GMDS: variants seen among roughly 807,000 people sequenced by gnomAD.
GMDS encodes GDP-mannose 4,6-dehydratase.
In GMDS, 20 loss-of-function variants were observed where a neutral mutation model predicts 49.9. That is an observed-to-expected ratio of 0.40 (90% CI 0.28 to 0.58). The LOEUF (loss-of-function observed/expected upper bound fraction) is 0.58. Ranked by LOEUF, GMDS falls within the 20% of genes least tolerant of loss-of-function variation. The pLI is 0.42. For synonymous variants in GMDS, 177 were observed against 178.6 expected (o/e 0.99, Z 0.07); for missense variants, 362 against 481.4 (o/e 0.75, Z 2.32).
rs573940538 is a variant in GMDS, at chr6:2,117,440, A to G, written c.235+29T>C. The G allele has an allele frequency of 4.0e-6, 5 of 1,236,106 alleles. No individual in the cohort carries two copies. In the South Asian group the frequency reaches 6.0e-5, roughly 15 times the overall value. 76.6% of individuals were successfully genotyped at this position (1,236,106 alleles called of 1,614,324 possible). ...GAACATCTGAAAACACCTTATAGAA[A>G]GAGATTCTAGAAAAAGAAAATGACT... On this transcript the variant is annotated intron_variant, in intron 3 of 10. Transcript: ENST00000380815.
chr6:1,894,318 A>C (rs1184285368), intron 7 of GMDS, among the ~76,000 whole-genome samples: 1 of 152,140 alleles, frequency 6.6e-6, no homozygotes, highest in Non-Finnish European at 1.5e-5. Context: ...TACAAGCAAA[A>C]AGTCCTTTAT....
At chr6:1,865,655 G>T (rs1223102461) in intron 7 of GMDS, among the ~76,000 whole-genome samples, 2 of 152,182 alleles carry the variant, frequency 1.3e-5, no homozygotes, top group East Asian at 3.8e-4. Context: ...GAAAAAAGAT[G>T]TTAGAGAAGC....
In GMDS at chr6:1,988,987, T is replaced by C. The variant is rs1765750117; in HGVS notation, c.346-28021A>G. On this transcript the variant is annotated intron_variant, in intron 4 of 10. Coordinates refer to ENST00000380815, the MANE Select transcript of GMDS (RefSeq NM_001500.4). ...CTGGCCCTCTTGGATTACAGAGGAC[T>C]TCCAAGAGTCAGCAAGGACTCAGAG... 2.0e-5 allele frequency among the ~76,000 whole-genome samples: 3 copies of C among 152,280 alleles called. No homozygotes were observed. The South Asian group carries it at 6.2e-4, about 32-fold the overall frequency.
chr6:1,744,142 T>G (rs1363414133), intron 7 of GMDS, among the ~76,000 whole-genome samples: 1 of 152,206 alleles, frequency 6.6e-6, no homozygotes, highest in East Asian at 1.9e-4. Context: ...AAAAATAAAA[T>G]TTAAAATAAT....
intron 7 of GMDS, among the ~76,000 whole-genome samples, chr6:1,771,916 G>T (rs1358333670): frequency 6.6e-6 from 1 of 152,180 alleles, no homozygotes; most frequent in Non-Finnish European, 1.5e-5. Flanking sequence ...ATATCTAGGA[G>T]GCAATCAGTC....
intron 7 of GMDS, among the ~76,000 whole-genome samples, chr6:1,781,427 C>T (rs1769079953): frequency 6.6e-6 from 1 of 152,248 alleles, no homozygotes; most frequent in Admixed American, 6.5e-5. Flanking sequence ...TGGGCCCTGG[C>T]CTGGGCTTCT....
chr6:1,710,527 C>CT (rs1296798859), intron 9 of GMDS, among the ~76,000 whole-genome samples: 1 of 152,172 alleles, frequency 6.6e-6, no homozygotes, highest in Admixed American at 6.5e-5. Flanking sequence ...ACAATGCCCT[C>CT]TGGGGCTTCA....
intron 4 of GMDS, among the ~76,000 whole-genome samples, chr6:2,097,831 G>C (rs1773696006): frequency 6.6e-6 from 1 of 152,092 alleles, no homozygotes; most frequent in Admixed American, 6.5e-5. Flanking sequence ...GGTTAGGATA[G>C]TGACAAACAA....
intron 7 of GMDS, among the ~76,000 whole-genome samples, chr6:1,779,780 T>C (rs1387353063): frequency 6.6e-6 from 1 of 152,216 alleles, no homozygotes; most frequent in Admixed American, 6.5e-5. Context: ...CTTTAACTCA[T>C]TGAAGGCCAC....
intron 1 of GMDS, among the ~76,000 whole-genome samples, chr6:2,164,641 C>T (rs147466043): frequency 2.6e-5 from 4 of 152,164 alleles, no homozygotes; most frequent in African/African-American, 9.7e-5. Context: ...TTCGGCACCC[C>T]CTTCCTTCCC....
intron 6 of GMDS, 58 bp from the exon 7 acceptor site, chr6:1,930,288 T>G (rs1430475458): frequency 6.7e-7 from 1 of 1,500,660 alleles, no homozygotes; most frequent in Admixed American, 1.8e-5. Flanking sequence ...TTTAACAGTT[T>G]GGTGAACCAA....
intron 10 of GMDS, 110 bp from the exon 11 acceptor site, chr6:1,624,341 C>T: frequency 7.7e-7 from 1 of 1,291,206 alleles, no homozygotes; most frequent in Non-Finnish European, 1.1e-6. Context: ...GTTCCAGCTC[C>T]CCTCACTTCT....
intron 7 of GMDS, among the ~76,000 whole-genome samples, chr6:1,800,882 G>A (rs1769922846): frequency 6.6e-6 from 1 of 152,196 alleles, no homozygotes; most frequent in South Asian, 2.1e-4. Context: ...TCCAAGAATG[G>A]AGTCACACCA....
intron 9 of GMDS, among the ~76,000 whole-genome samples, chr6:1,717,022 C>T (rs1581500850): frequency 1.3e-5 from 2 of 152,306 alleles, no homozygotes; most frequent in East Asian, 3.9e-4. Flanking sequence ...ACATGCTATC[C>T]ATTCCATGGA....
chr6:1,732,395 A>C (rs1262268773), intron 8 of GMDS, among the ~76,000 whole-genome samples: 3 of 152,216 alleles, frequency 2.0e-5, no homozygotes, highest in Non-Finnish European at 4.4e-5. Context: ...AGCATTCGTC[A>C]GTCATGGTAA....
chr6:2,115,484 G>A (rs1334831368), intron 4 of GMDS, among the ~76,000 whole-genome samples: 1 of 152,122 alleles, frequency 6.6e-6, no homozygotes, highest in Non-Finnish European at 1.5e-5. Flanking sequence ...TGAAATGGCA[G>A]AAAACACATC....
chr6:2,160,183 G>A (rs559083465), intron 1 of GMDS, among the ~76,000 whole-genome samples: 15 of 152,242 alleles, frequency 9.9e-5, no homozygotes, highest in East Asian at 1.9e-4. Flanking sequence ...TACTACATGC[G>A]ATAGTTTTTA....
chr6:2,092,294 C>G (rs959075538), intron 4 of GMDS, among the ~76,000 whole-genome samples: 1 of 152,184 alleles, frequency 6.6e-6, no homozygotes, highest in African/African-American at 2.4e-5. Flanking sequence ...AACCAGTCCC[C>G]TTCTGTGACT....
At chr6:1,806,938 G>A (rs570649997) in intron 7 of GMDS, among the ~76,000 whole-genome samples, 5 of 152,228 alleles carry the variant, frequency 3.3e-5, no homozygotes, top group South Asian at 2.1e-4. Context: ...TTCTGTCTTC[G>A]TGCTATAAAT....
Sources: allele counts gnomAD v4.1 joint callset (sites outside exome capture counted in the v4.1 genomes callset), GRCh38; gene constraint gnomAD v4.1.1; transcripts MANE v1.5; gene names NCBI Gene and HGNC (gene_info 2026-07-23, HGNC 2026-07-21).